SLITRK5: variants seen among roughly 807,000 people sequenced by gnomAD.
SLITRK5 encodes the protein SLIT and NTRK like family member 5.
SLITRK5 carries 23 observed loss-of-function variants against 56.2 expected under a neutral mutation model. That is an observed-to-expected ratio of 0.41 (90% CI 0.29 to 0.58). SLITRK5 has a LOEUF of 0.58. Among genes scored for constraint, SLITRK5 ranks in the 20% least tolerant of loss-of-function variants. The probability of loss-of-function intolerance (pLI) is 0.30; values close to 1 mark genes in which losing one functional copy is unlikely to be tolerated. For missense variants in SLITRK5, 1,289 were observed against 1,226.6 expected, an observed-to-expected ratio of 1.05 and a Z score of -0.76; for synonymous variants, 637 against 531.8, an observed-to-expected ratio of 1.20 and a Z score of -2.72.
chr13:87,671,999 C>G lies in SLITRK5; in HGVS notation c.-219C>G, dbSNP rs182667354. On this transcript the variant is annotated 5_prime_UTR_variant, in exon 1 of 2. Transcript: ENST00000683689. Reference sequence around the variant, plus strand: ...AAGAAGGCGGGAGATGCATGCACACCCCCGCGACCCGCTCCCTCTGGCTCG... The same window carrying G: ...AAGAAGGCGGGAGATGCATGCACACGCCCGCGACCCGCTCCCTCTGGCTCG... Among the ~76,000 whole-genome samples the G allele has an allele frequency of 1.3e-5, 2 of 152,088 alleles. No homozygotes were observed. The highest frequency in any genetic ancestry group is 2.9e-5 in the Non-Finnish European group (2 of 68,010).
rs759320418 is a variant in SLITRK5, at chr13:87,677,164, T to C, written c.1776T>C (p.Cys592=). Residue 592 remains cysteine (C), a synonymous_variant, in exon 2 of 2, where the codon TGT becomes TGC. Coordinates refer to ENST00000683689, the MANE Select transcript of SLITRK5 (RefSeq NM_001384609.1). The surrounding 1 kb of genome is among the most constrained non-coding windows in gnomAD (Gnocchi z 4.7). ...GCGTCCTAGTGGACGAGGTGATCTG[T>C]AAGGCGCCCAAAAAATTCGCTGAGA... The part of the protein sequence containing the change: ...KVGVLVDEVI[C]KAPKKFAETD... 6.2e-7 allele frequency: 1 copy of C among 1,614,170 alleles called. No homozygotes were observed. Among genetic ancestry groups the C allele is most frequent in the Non-Finnish European group, 8.5e-7 (1 of 1,180,034 alleles).
At position 87,675,488 on chromosome 13, in the gene SLITRK5, G is replaced by A. The variant is rs1877231012; in HGVS notation, c.100G>A (p.Val34Ile). The change falls in exon 2 of 2, where the codon GTC (valine) becomes ATC (isoleucine). Residue 34 changes from valine to isoleucine, a missense_variant. Physicochemically the swap from Val to Ile is conservative, Grantham distance 29. Coordinates refer to ENST00000683689, the MANE Select transcript of SLITRK5 (RefSeq NM_001384609.1). Reference sequence around the variant, plus strand: ...TCTAGCGTTTGCTGTAACATCTCTCGTCCTTTCGTGTGCAGAAACCATCGA... The same window carrying A: ...TCTAGCGTTTGCTGTAACATCTCTCATCCTTTCGTGTGCAGAAACCATCGA... ...QTLAFAVTSL[V>I]LSCAETIDYY... The A allele has an allele frequency of 8.1e-6, 13 of 1,614,066 alleles. No individual in the cohort carries two copies. The highest frequency in any genetic ancestry group is 1.1e-5 in the Non-Finnish European group (13 of 1,179,988).
At chr13:87,674,380 C>G (rs1012153767) in intron 1 of SLITRK5, 2 of 984,998 alleles carry the variant, frequency 2.0e-6, no homozygotes, top group Admixed American at 6.2e-5. Flanking sequence ...TTGCTATTAC[C>G]GTTGCAAATA....
chr13:87,677,328 G>A lies in SLITRK5; in HGVS notation c.1940G>A (p.Gly647Glu). The A allele has an allele frequency of 6.2e-7, 1 of 1,614,104 alleles. No individual in the cohort carries two copies. The highest frequency in any genetic ancestry group is 8.5e-7 in the Non-Finnish European group (1 of 1,180,004). The change falls in exon 2 of 2, where the codon GGG (glycine) becomes GAG (glutamate). Residue 647 changes from glycine (G) to glutamate (E), a missense_variant. Gly to Glu is a moderately conservative substitution (Grantham distance 98). Coordinates refer to ENST00000683689, the MANE Select transcript of SLITRK5 (RefSeq NM_001384609.1). The surrounding 1 kb of genome is among the most constrained non-coding windows in gnomAD (Gnocchi z 4.7). ...VTPAVRLNSTGAPASLGAGGG... is the reference protein window; with the variant it reads ...VTPAVRLNSTEAPASLGAGGG... ...CCTGCGGTCCGGTTGAATAGCACCGGGGCCCCCGCGAGCTTGGGCGCAGGC... is the reference window on the plus strand; with the variant it reads ...CCTGCGGTCCGGTTGAATAGCACCGAGGCCCCCGCGAGCTTGGGCGCAGGC...
rs753474892 is a variant in SLITRK5 at position 87,677,817 on chromosome 13, C to G, written c.2429C>G (p.Pro810Arg). Reference sequence around the variant, plus strand: ...CCGCAGCAGCCACAGCAGCAGCCCCCGCCGCAGCTGCAGCTGCAGCCCGGG... The same window carrying G: ...CCGCAGCAGCCACAGCAGCAGCCCCGGCCGCAGCTGCAGCTGCAGCCCGGG... The part of the protein sequence containing the change: ...PPPQQPQQQP[P>R]PQLQLQPGEE... The change falls in exon 2 of 2, where the codon CCG becomes CGG. Residue 810 changes from proline (P) to arginine (R), a missense_variant. Pro to Arg is a moderately radical substitution (Grantham distance 103, BLOSUM62 -2). This residue lies in a region of SLITRK5 where 985 missense variants were observed against 906.0 expected (regional missense o/e 1.09). Transcript: ENST00000683689. The surrounding 1 kb of genome is among the most constrained non-coding windows in gnomAD (Gnocchi z 4.7). 26 of 1,611,060 alleles carry G rather than the reference C, an allele frequency of 1.6e-5. No homozygotes were observed. In the South Asian group the frequency reaches 2.9e-4, roughly 18 times the overall value.
rs757099646 is a variant in SLITRK5, at chr13:87,677,657, G to A, written c.2269G>A (p.Gly757Ser). ...HVYEYIPHPL[G>S]HMCKNPIYRS... ...GTATGAATACATCCCCCACCCACTGGGCCACATGTGCAAAAACCCCATCTA... is the reference window on the plus strand; with the variant it reads ...GTATGAATACATCCCCCACCCACTGAGCCACATGTGCAAAAACCCCATCTA... Residue 757 changes from glycine to serine, a missense_variant, in exon 2 of 2, where the codon GGC becomes AGC. By Grantham distance (56) the Gly-to-Ser change is moderately conservative (BLOSUM62 0). This residue lies in a region of SLITRK5 where 985 missense variants were observed against 906.0 expected (regional missense o/e 1.09). Transcript: ENST00000683689. This position sits in a 1 kb window ranked among gnomAD's most constrained non-coding sequence, Gnocchi z 4.7. 3 of 1,606,780 alleles carry A rather than the reference G, an allele frequency of 1.9e-6. No individual in the cohort carries two copies. Among genetic ancestry groups the A allele is most frequent in the African/African-American group, 1.3e-5 (1 of 74,710 alleles).
chr13:87,673,909 T>C (rs902446702), intron 1 of SLITRK5, among the ~76,000 whole-genome samples: 2 of 151,910 alleles, frequency 1.3e-5, no homozygotes, highest in African/African-American at 2.4e-5. Flanking sequence ...AAAGGCAAGG[T>C]TGACCAGAGA....
At chr13:87,672,987 G>A (rs534229579) in intron 1 of SLITRK5, among the ~76,000 whole-genome samples, 2 of 151,104 alleles carry the variant, frequency 1.3e-5, no homozygotes, top group East Asian at 2.0e-4. Context: ...TTTGGGGCGG[G>A]GTGGGGGAGG....
rs143021000 is a variant in SLITRK5 at position 87,677,728 on chromosome 13, C to A, written c.2340C>A (p.His780Gln). The A allele has an allele frequency of 2.7e-5, 44 of 1,612,544 alleles. No individual in the cohort carries two copies. The highest frequency in any genetic ancestry group is 3.6e-5 in the Non-Finnish European group (42 of 1,179,214). Residue 780 changes from histidine to glutamine, a missense_variant, in exon 2 of 2, where the codon CAC becomes CAA. By Grantham distance (24) the His-to-Gln change is conservative. This residue lies in a region of SLITRK5 where 985 missense variants were observed against 906.0 expected (regional missense o/e 1.09). Transcript: ENST00000683689. The surrounding 1 kb of genome is among the most constrained non-coding windows in gnomAD (Gnocchi z 4.7). ...CCGTAGAGGATTACAAAGACCTGCA[C>A]GAGCTCAAGGTCACCTACAGCAGCA... ...GNSVEDYKDL[H>Q]ELKVTYSSNH...
rs781459036 is a variant in SLITRK5 at position 87,676,464 on chromosome 13, G to C, written c.1076G>C (p.Gly359Ala). Residue 359 changes from glycine (G) to alanine (A), a missense_variant, in exon 2 of 2, where the codon GGC becomes GCC. Physicochemically the swap from Gly to Ala is moderately conservative, Grantham distance 60. Transcript: ENST00000683689. Reference sequence around the variant, plus strand: ...AAGGACTTGGGCTACAGCAACTATGGCCCCAGCATCGCCTATCAGACCAAA... The same window carrying C: ...AAGGACTTGGGCTACAGCAACTATGCCCCCAGCATCGCCTATCAGACCAAA... ...PSKDLGYSNY[G>A]PSIAYQTKSP... 1.9e-6 allele frequency: 3 copies of C among 1,613,916 alleles called. No individual in the cohort carries two copies. In the African/African-American group the frequency reaches 4.0e-5, roughly 22 times the overall value.
intron 1 of SLITRK5, chr13:87,673,350 G>C (rs1218746244): frequency 2.8e-5 from 10 of 355,278 alleles, no homozygotes; most frequent in South Asian, 8.3e-5. Flanking sequence ...AAGGAGGAGG[G>C]GGAAGGGAGT....
At position 87,677,394 on chromosome 13, in the gene SLITRK5, G is replaced by C; in HGVS notation, c.2006G>C (p.Ser669Thr). The C allele has an allele frequency of 1.2e-6, 2 of 1,613,910 alleles. No homozygotes were observed. Among genetic ancestry groups the C allele is most frequent in the Non-Finnish European group, 1.7e-6 (2 of 1,180,008 alleles). Residue 669 changes from serine to threonine, a missense_variant, in exon 2 of 2, where the codon AGC (serine) becomes ACC (threonine). Ser to Thr is a moderately conservative substitution (Grantham distance 58). Around this residue, in one of 3 missense-constraint regions of SLITRK5, gnomAD observed 985 missense variants for 906.0 expected, o/e 1.09. Transcript: ENST00000683689. The surrounding 1 kb of genome is among the most constrained non-coding windows in gnomAD (Gnocchi z 4.7). Reference sequence around the variant, plus strand: ...GTGCCCTTGTCTGTGTTAATTCTCAGCCTCCTGCTGGTTTTCATCATGTCC... The same window carrying C: ...GTGCCCTTGTCTGTGTTAATTCTCACCCTCCTGCTGGTTTTCATCATGTCC... The part of the protein sequence containing the change: ...SSVPLSVLIL[S>T]LLLVFIMSVF...
Position 87,678,141 on chromosome 13 carries a change from G to GCCC in SLITRK5, c.2757_2759dup (p.Pro920dup). On this transcript the variant is annotated inframe_insertion, in exon 2 of 2. Coordinates refer to ENST00000683689, the MANE Select transcript of SLITRK5 (RefSeq NM_001384609.1). Reference sequence around the variant, plus strand: ...AGGCTACGGGAACCGGTGCTCTACAGCCCCCCGAGTGCTGTCTTTGTAGAA... The same window carrying GCCC: ...AGGCTACGGGAACCGGTGCTCTACAGCCCCCCCCCGAGTGCTGTCTTTGTAGAA... The GCCC allele has an allele frequency of 6.2e-7, 1 of 1,614,208 alleles. No individual in the cohort carries two copies. The highest frequency in any genetic ancestry group is 8.5e-7 in the Non-Finnish European group (1 of 1,180,054).
At chr13:87,674,858 TG>T (rs1385043891) in intron 1 of SLITRK5, among the ~76,000 whole-genome samples, 24 of 151,856 alleles carry the variant, frequency 1.6e-4, no homozygotes, top group African/African-American at 5.6e-4. Context: ...TTTCTAGCGA[TG>T]GTTTAAAATA....
At position 87,678,214 on chromosome 13, in the gene SLITRK5, GCCGGACTAC is replaced by G. The variant is rs768338697; in HGVS notation, c.2828_2836del (p.Pro943_Tyr945del). On this transcript the variant is annotated inframe_deletion, in exon 2 of 2. Transcript: ENST00000683689. ...AGTTAAAAGCAAAACTAAACGTTGA[GCCGGACTAC>G]CTCGAAGTGCTGGAAAAACAGACCA... 1 of 1,614,154 alleles carries G rather than the reference GCCGGACTAC, an allele frequency of 6.2e-7. No individual in the cohort carries two copies. The highest frequency in any genetic ancestry group is 8.5e-7 in the Non-Finnish European group (1 of 1,180,028).
chr13:87,676,564 C>A lies in SLITRK5; in HGVS notation c.1176C>A (p.Asn392Lys), dbSNP rs766422368. The A allele has an allele frequency of 6.2e-7, 1 of 1,614,164 alleles. No individual in the cohort carries two copies. The highest frequency in any genetic ancestry group is 8.5e-7 in the Non-Finnish European group (1 of 1,180,040). ...LQISDLGLNV[N>K]CQERKIESIA... is the part of the protein sequence containing the mutation. ...TCTCTGATCTGGGCCTCAACGTAAACTGCCAGGAGCGAAAGATCGAGAGCA... is the reference window on the plus strand; with the variant it reads ...TCTCTGATCTGGGCCTCAACGTAAAATGCCAGGAGCGAAAGATCGAGAGCA... The change falls in exon 2 of 2, where the codon AAC (asparagine) becomes AAA (lysine). Residue 392 changes from asparagine (N) to lysine (K), a missense_variant. Asn to Lys is a moderately conservative substitution (Grantham distance 94, BLOSUM62 0). Transcript: ENST00000683689.
chr13:87,677,772 A>T lies in SLITRK5; in HGVS notation c.2384A>T (p.Gln795Leu). 1 of 1,610,420 alleles carries T rather than the reference A, an allele frequency of 6.2e-7. No homozygotes were observed. The highest frequency in any genetic ancestry group is 8.5e-7 in the Non-Finnish European group (1 of 1,178,496). ...AGCAGCAACCACCACCTGCAGCAGC[A>T]GCAGCAGCCGCCGCCGCCACCGCAG... ...TYSSNHHLQQQQQPPPPPQQP... is the reference protein window; with the variant it reads ...TYSSNHHLQQLQQPPPPPQQP... Residue 795 changes from glutamine (Q) to leucine (L), a missense_variant, in exon 2 of 2, where the codon CAG (glutamine) becomes CTG (leucine). Transcript: ENST00000683689. This position sits in a 1 kb window ranked among gnomAD's most constrained non-coding sequence, Gnocchi z 4.7.
intron 1 of SLITRK5, chr13:87,673,573 AG>A (rs1361871129): frequency 7.9e-7 from 1 of 1,269,050 alleles, no homozygotes; most frequent in Non-Finnish European, 1.0e-6. Flanking sequence ...TGAAATTTCA[AG>A]GTAAACGTTT....
At chr13:87,672,834 A>G in intron 1 of SLITRK5, 1 of 154,422 alleles carries the variant, frequency 6.5e-6, no homozygotes, top group Non-Finnish European at 1.4e-5. Context: ...GGGTAAGTCT[A>G]TCGTTTACTT....
Sources: allele counts gnomAD v4.1 joint callset (sites outside exome capture counted in the v4.1 genomes callset), GRCh38; gene constraint gnomAD v4.1.1; regional missense constraint gnomAD v4.1.1; non-coding constraint Gnocchi (gnomAD v3.1); transcripts MANE v1.5; gene names NCBI Gene and HGNC (gene_info 2026-07-23, HGNC 2026-07-21).